TMTC3: variants seen among roughly 807,000 people sequenced by gnomAD.
The protein encoded by TMTC3 is protein O-mannosyl-transferase TMTC3.
A neutral mutation model predicts 92.2 loss-of-function variants in TMTC3; 52 were observed. The observed-to-expected ratio is 0.56, with a 90% CI of 0.45 to 0.71. The LOEUF (loss-of-function observed/expected upper bound fraction) is 0.71, where lower values mean the gene tolerates loss of function less well. TMTC3 is among the 30% of genes least tolerant of loss of function. The pLI is 0.00. For synonymous variants in TMTC3, 339 were observed against 363.3 expected (o/e 0.93, Z 0.76); for missense variants, 896 against 1,057.1 (o/e 0.85, Z 2.11).
Position 88,196,521 on chromosome 12 carries a change from G to T in TMTC3, c.*872G>T, listed in dbSNP as rs1232182461. ...TAGTAAACTTCTCTTTCATCTTTGT[G>T]TTAGCTCTGTAGTCTTAACCTGGAT... On this transcript the variant is annotated 3_prime_UTR_variant, in exon 14 of 14. Coordinates refer to ENST00000266712, the MANE Select transcript of TMTC3 (RefSeq NM_181783.4). 6.6e-6 allele frequency: 1 copy of T among 151,588 alleles called. No homozygotes were observed. The highest frequency in any genetic ancestry group is 1.5e-5 in the Non-Finnish European group (1 of 67,750). The allele number at this position is 151,588 out of a possible 1,614,324, so 9.4% of individuals were successfully genotyped here. A position where few individuals can be genotyped will look rare whatever the true frequency, so the allele number is the denominator to read the frequency against.
chr12:88,167,609 ATACACAGTTCACGTTTCCAGAGAACT>A (rs547682895), intron 7 of TMTC3, among the ~76,000 whole-genome samples: 66 of 152,290 alleles, frequency 4.3e-4, no homozygotes, highest in African/African-American at 1.0e-3. Context: ...ATGATAGTAA[ATACACAGTTCACGTTTCCAGAGAACT>A]TACACAGTTC....
At chr12:88,152,516 T>G (rs2040955452) in intron 2 of TMTC3, among the ~76,000 whole-genome samples, 1 of 152,152 alleles carries the variant, frequency 6.6e-6, no homozygotes. Context: ...TGTATAAAAC[T>G]ACAAAAAATA....
At position 88,192,702 on chromosome 12, in the gene TMTC3, A is replaced by G; in HGVS notation, c.1805A>G (p.Asn602Ser). 2 of 1,613,574 alleles carry G rather than the reference A, an allele frequency of 1.2e-6. No homozygotes were observed. Among genetic ancestry groups the G allele is most frequent in the Non-Finnish European group, 8.5e-7 (1 of 1,179,688 alleles). ...LDRNNADLWY[N>S]LAIVHIELKE... ...AGAAATAATGCAGATCTTTGGTACA[A>G]CTTGGCAATTGTACATATTGAACTT... Residue 602 changes from asparagine to serine, a missense_variant, in exon 13 of 14, where the codon AAC becomes AGC. Coordinates refer to ENST00000266712, the MANE Select transcript of TMTC3 (RefSeq NM_181783.4).
At chr12:88,191,586 A>C (rs936574413) in intron 12 of TMTC3, among the ~76,000 whole-genome samples, 3 of 152,202 alleles carry the variant, frequency 2.0e-5, no homozygotes, top group African/African-American at 7.2e-5. Context: ...ATAGAACCAC[A>C]CTAGAAAGAT....
Position 88,195,505 on chromosome 12 carries a change from G to A in TMTC3, c.2601G>A (p.Gln867=). 1 of 1,613,328 alleles carries A rather than the reference G, an allele frequency of 6.2e-7. No homozygotes were observed. Among genetic ancestry groups the A allele is most frequent in the East Asian group, 2.2e-5 (1 of 44,776 alleles). The change falls in exon 14 of 14, where the codon CAG becomes CAA. Residue 867 remains glutamine, a synonymous_variant. Transcript: ENST00000266712. ...TAAAAACAAGTGATAATAAAAGTCA[G>A]TCTAAATCCAACAAACAATTAGGAA... ...QIVKTSDNKS[Q]SKSNKQLGKN...
chr12:88,156,525 T>C (rs2041011479), intron 4 of TMTC3, among the ~76,000 whole-genome samples: 1 of 152,122 alleles, frequency 6.6e-6, no homozygotes, highest in African/African-American at 2.4e-5. Flanking sequence ...CTAGGAGTGA[T>C]TGGTTGGTTT....
chr12:88,194,782 C>T, intron 13 of TMTC3, 56 bp from the exon 14 acceptor site: 4 of 1,126,684 alleles, frequency 3.6e-6, no homozygotes, highest in Non-Finnish European at 3.5e-6. Flanking sequence ...TGGCTTTGTT[C>T]CTCACATTTA....
In TMTC3 at chr12:88,196,374, G is replaced by A. The variant is rs903864705; in HGVS notation, c.*725G>A. ...TTGTTTAGTTTTACTTATTGAGAGT[G>A]TCACAACATGAATCACATAATCATG... On this transcript the variant is annotated 3_prime_UTR_variant, in exon 14 of 14. Transcript: ENST00000266712. The A allele has an allele frequency of 5.3e-5, 8 of 151,854 alleles. No homozygotes were observed. The highest frequency in any genetic ancestry group is 1.7e-4 in the African/African-American group (7 of 41,372). 9.4% of individuals were successfully genotyped at this position (151,854 alleles called of 1,614,324 possible). A position where few individuals can be genotyped will look rare whatever the true frequency, so the allele number is the denominator to read the frequency against.
Position 88,188,835 on chromosome 12 carries a change from A to T in TMTC3, c.1433-8A>T, listed in dbSNP as rs764219782. The T allele has an allele frequency of 6.9e-7, 1 of 1,455,722 alleles. No homozygotes were observed. The highest frequency in any genetic ancestry group is 2.1e-5 in the Admixed American group (1 of 48,622). The allele number at this position is 1,455,722 out of a possible 1,614,324, so 90.2% of individuals were successfully genotyped here. ...ACTTGCCAACAAATGATTGTTTTAA[A>T]ATTTTAGATGATATTGGTGCCCATA... On this transcript the variant is annotated splice_polypyrimidine_tract_variant and splice_region_variant and intron_variant, in intron 10 of 13. Coordinates refer to ENST00000266712, the MANE Select transcript of TMTC3 (RefSeq NM_181783.4).
chr12:88,148,507 A>G lies in TMTC3; in HGVS notation c.189+3A>G, dbSNP rs774211976. 12 of 1,587,248 alleles carry G rather than the reference A, an allele frequency of 7.6e-6. No homozygotes were observed. Among genetic ancestry groups the G allele is most frequent in the Non-Finnish European group, 1.0e-5 (12 of 1,165,210 alleles). The stretch of plus-strand genomic sequence containing the variant: ...TCTGGGGAACCCCTATGTCTGAGGT[A>G]AGTAATTACTTACATATTACTTGTA... On this transcript the variant is annotated splice_donor_region_variant and intron_variant, in intron 2 of 13. Coordinates refer to ENST00000266712, the MANE Select transcript of TMTC3 (RefSeq NM_181783.4).
chr12:88,185,195 C>T (rs2138429896), intron 10 of TMTC3, among the ~76,000 whole-genome samples: 1 of 152,080 alleles, frequency 6.6e-6, no homozygotes, highest in African/African-American at 2.4e-5. Context: ...TCCATCAACC[C>T]CTCAAATTCC....
intron 8 of TMTC3, among the ~76,000 whole-genome samples, chr12:88,173,768 T>G (rs1405152775): frequency 6.6e-6 from 1 of 152,102 alleles, no homozygotes; most frequent in Non-Finnish European, 1.5e-5. Flanking sequence ...TGATAGACAC[T>G]TTAGATTTCT....
At chr12:88,153,235 T>C (rs2040964480) in intron 2 of TMTC3, 56 bp from the exon 3 acceptor site, 1 of 1,190,732 alleles carries the variant, frequency 8.4e-7, no homozygotes, top group South Asian at 1.5e-5. Flanking sequence ...TGATGAGCTT[T>C]TGTACCCTGT....
intron 8 of TMTC3, among the ~76,000 whole-genome samples, chr12:88,173,371 A>C (rs368125927): frequency 1.1e-4 from 17 of 152,054 alleles, no homozygotes; most frequent in African/African-American, 4.1e-4. Context: ...CTTGAAAAAG[A>C]AATAGTCACT....
chr12:88,176,491 C>T (rs2041261248), intron 10 of TMTC3, among the ~76,000 whole-genome samples, 172 bp downstream of exon 10: 1 of 152,148 alleles, frequency 6.6e-6, no homozygotes, highest in Non-Finnish European at 1.5e-5. Flanking sequence ...ATATCAGACT[C>T]TGTTACCAGG....
chr12:88,165,785 C>T (rs1240376310), intron 6 of TMTC3, among the ~76,000 whole-genome samples: 10 of 151,950 alleles, frequency 6.6e-5, no homozygotes, highest in African/African-American at 2.4e-4. Context: ...TTTTTAGCTT[C>T]CTAGGAGTCA....
chr12:88,182,663 G>A (rs1298116681), intron 10 of TMTC3, among the ~76,000 whole-genome samples: 1 of 152,092 alleles, frequency 6.6e-6, no homozygotes, highest in Admixed American at 6.5e-5. Context: ...AAAAGTACTG[G>A]CTCCGTTGGG....
chr12:88,173,241 G>A (rs2041224826), intron 8 of TMTC3, among the ~76,000 whole-genome samples: 1 of 151,954 alleles, frequency 6.6e-6, no homozygotes, highest in Non-Finnish European at 1.5e-5. Context: ...TATATGCTTA[G>A]GAACTATAAT....
rs199847201 is a variant in TMTC3, at chr12:88,195,542, G to A, written c.2638G>A (p.Glu880Lys). 13 of 1,613,008 alleles carry A rather than the reference G, an allele frequency of 8.1e-6. No homozygotes were observed. Among genetic ancestry groups the A allele is most frequent in the East Asian group, 2.2e-5 (1 of 44,772 alleles). ...CAAACAATTAGGAAAAAATGGAGAC[G>A]AAGAGACACCCCACAAAACAACAAA... is the stretch of plus-strand genomic sequence containing the variant. Reference protein sequence around the residue: ...SNKQLGKNGDEETPHKTTKDI... With the variant: ...SNKQLGKNGDKETPHKTTKDI... Residue 880 changes from glutamate (E) to lysine (K), a missense_variant, in exon 14 of 14, where the codon GAA (glutamate) becomes AAA (lysine). Coordinates refer to ENST00000266712, the MANE Select transcript of TMTC3 (RefSeq NM_181783.4).
Sources: gnomAD v4.1 joint callset for allele counts (sites outside exome capture counted in the v4.1 genomes callset) on GRCh38, gnomAD v4.1.1 for gene constraint, MANE v1.5 for transcripts, NCBI Gene and HGNC (gene_info 2026-07-23, HGNC 2026-07-21) for gene names.